XKR9: variants seen among roughly 807,000 people sequenced by gnomAD.
XKR9 encodes the protein XK-related protein 9.
Under a neutral mutation model 32.0 loss-of-function variants are expected in XKR9, and 32 were observed. That is an observed-to-expected ratio of 1.00 (90% confidence interval 0.76 to 1.34). The LOEUF (loss-of-function observed/expected upper bound fraction) is 1.34. Among genes scored for constraint, XKR9 ranks in the 40% most tolerant of loss-of-function variants. The pLI, the probability that XKR9 is intolerant of heterozygous loss-of-function variation, is 0.00. For synonymous variants in XKR9, 168 were observed against 143.4 expected, an observed-to-expected ratio of 1.17 and a Z score of -1.22; for missense variants, 546 against 429.7, an observed-to-expected ratio of 1.27 and a Z score of -2.39.
At chr8:70,708,444 A>G (rs375419621) in intron 4 of XKR9, among the ~76,000 whole-genome samples, 10 of 152,108 alleles carry the variant, frequency 6.6e-5, no homozygotes, top group Non-Finnish European at 1.2e-4. Flanking sequence ...ATATAATTCA[A>G]TTGTCTAACA....
chr8:70,909,659 A>C, the XKR9 span, among the ~76,000 whole-genome samples: 5 of 151,844 alleles, frequency 3.3e-5, no homozygotes, highest in South Asian at 6.3e-4. Flanking sequence ...AAAAAAACAA[A>C]AACAACAACA....
At chr8:70,941,047 C>G in the XKR9 span, among the ~76,000 whole-genome samples, 1 of 152,066 alleles carries the variant, frequency 6.6e-6, no homozygotes, top group Non-Finnish European at 1.5e-5. Context: ...TTAGTACATT[C>G]ACAATGCTGT....
At chr8:70,986,489 T>A in the XKR9 span, among the ~76,000 whole-genome samples, 1 of 152,186 alleles carries the variant, frequency 6.6e-6, no homozygotes, top group Non-Finnish European at 1.5e-5. Flanking sequence ...GTAAGGGACA[T>A]TGTTACATCT....
At chr8:70,680,270 T>C (rs551748869) in intron 2 of XKR9, among the ~76,000 whole-genome samples, 1 of 152,238 alleles carries the variant, frequency 6.6e-6, no homozygotes, top group African/African-American at 2.4e-5. Flanking sequence ...GAACTAGGCC[T>C]CTCAATTGTC....
At chr8:70,953,061 T>C in the XKR9 span, among the ~76,000 whole-genome samples, 2 of 152,134 alleles carry the variant, frequency 1.3e-5, no homozygotes, top group East Asian at 3.8e-4. Flanking sequence ...TGAGGACAGA[T>C]TAAAAATTAA....
chr8:70,895,719 TC>T, the XKR9 span, among the ~76,000 whole-genome samples: 1 of 150,988 alleles, frequency 6.6e-6, no homozygotes, highest in Non-Finnish European at 1.5e-5. Context: ...GTGCAATGGT[TC>T]ATGCCTGCAA....
chr8:70,811,007 A>G, the XKR9 span, among the ~76,000 whole-genome samples: 2 of 152,134 alleles, frequency 1.3e-5, 1 homozygote, highest in Non-Finnish European at 2.9e-5. Flanking sequence ...GCACCACACC[A>G]CACCTATTCC....
the XKR9 span, among the ~76,000 whole-genome samples, chr8:70,919,118 A>T: frequency 0.073 from 11,043 of 152,170 alleles, 471 homozygotes; most frequent in Non-Finnish European, 0.089. Flanking sequence ...TGGTACAGTG[A>T]CAAGGACTGG....
intron 2 of XKR9, among the ~76,000 whole-genome samples, chr8:70,752,358 C>G (rs1157741966): frequency 6.6e-6 from 1 of 152,112 alleles, no homozygotes; most frequent in Non-Finnish European, 1.5e-5. Context: ...ATTTTAGAGG[C>G]TGGGTGGTTC....
At chr8:70,730,806 T>G (rs574994389) in intron 4 of XKR9, among the ~76,000 whole-genome samples, 123 of 152,358 alleles carry the variant, frequency 8.1e-4, no homozygotes, top group African/African-American at 2.9e-3. Flanking sequence ...ATTGAGCAGT[T>G]TCTATTGCTC....
chr8:70,751,828 C>T (rs927342995), intron 2 of XKR9, among the ~76,000 whole-genome samples: 1 of 152,176 alleles, frequency 6.6e-6, no homozygotes. Flanking sequence ...TGTTCTCACA[C>T]CTTTGAACTT....
intron 2 of XKR9, among the ~76,000 whole-genome samples, chr8:70,758,498 T>C (rs903874433): frequency 2.0e-5 from 3 of 152,218 alleles, no homozygotes; most frequent in South Asian, 2.1e-4. Flanking sequence ...CCCAGTTCTT[T>C]CTTGCAAACT....
intron 1 of XKR9, among the ~76,000 whole-genome samples, chr8:70,671,560 A>G (rs1233529414): frequency 1.2e-5 from 1 of 80,716 alleles, no homozygotes; most frequent in African/African-American, 3.8e-5. Context: ...TTCAATTCCC[A>G]CCTATGAGTG....
Position 70,671,899 on chromosome 8 carries a change from A to G in XKR9, c.-361+2361A>G, listed in dbSNP as rs1449224342. Among the ~76,000 whole-genome samples, 11 of 88,076 alleles carry G rather than the reference A, an allele frequency of 1.2e-4. 1 individual carries two copies. Among genetic ancestry groups the G allele is most frequent in the Non-Finnish European group, 2.0e-4 (7 of 35,068 alleles). The allele number at this position is 88,076 out of a possible 152,430, so 57.8% of individuals were successfully genotyped here. On this transcript the variant is annotated intron_variant, in intron 1 of 4. Transcript: ENST00000408926. ...CAGGATACAAAATCAATGTACAAAA[A>G]TCACAAGCATTCTTATACACCAACA... is the stretch of plus-strand genomic sequence containing the variant.
At chr8:70,749,996 G>A (rs1807115314) in intron 2 of XKR9, among the ~76,000 whole-genome samples, 1 of 152,114 alleles carries the variant, frequency 6.6e-6, no homozygotes, top group Non-Finnish European at 1.5e-5. Context: ...GGATTTGGAA[G>A]TATGTATAAA....
At chr8:70,767,180 G>T (rs1220243604) in intron 2 of XKR9, among the ~76,000 whole-genome samples, 2 of 152,182 alleles carry the variant, frequency 1.3e-5, no homozygotes, top group Non-Finnish European at 2.9e-5. Context: ...AATGGTACCA[G>T]CTCCTCTTTG....
At chr8:70,685,490 T>TATAATAATAATAATA (rs56223664) in intron 3 of XKR9, among the ~76,000 whole-genome samples, 131 of 141,716 alleles carry the variant, frequency 9.2e-4, no homozygotes, top group Middle Eastern at 3.6e-3. Flanking sequence ...AAACTTAAAG[T>TATAATAATAATAATA]ATAATAATAA....
At chr8:70,697,231 G>T (rs1805314586) in intron 3 of XKR9, among the ~76,000 whole-genome samples, 1 of 151,836 alleles carries the variant, frequency 6.6e-6, no homozygotes, top group African/African-American at 2.4e-5. Flanking sequence ...TTGAATAGGA[G>T]TAGTGAGAGA....
At chr8:71,045,536 G>A in the XKR9 span, among the ~76,000 whole-genome samples, 1 of 152,204 alleles carries the variant, frequency 6.6e-6, no homozygotes, top group African/African-American at 2.4e-5. Flanking sequence ...GTAAAATGTC[G>A]AAGATACCAG....
Sources: allele counts gnomAD v4.1 joint callset (sites outside exome capture counted in the v4.1 genomes callset), GRCh38; gene constraint gnomAD v4.1.1; transcripts MANE v1.5; gene names NCBI Gene and HGNC (gene_info 2026-07-23, HGNC 2026-07-21).